ANXA2: variants seen among roughly 807,000 people sequenced by gnomAD.
ANXA2 encodes the protein annexin A2.
In ANXA2, 28 loss-of-function variants were observed where a neutral mutation model predicts 47.3. The ratio of observed to expected loss-of-function variants is 0.59; its 90% confidence interval spans 0.44 to 0.81. The LOEUF (loss-of-function observed/expected upper bound fraction) is 0.81. ANXA2 is among the 40% of genes least tolerant of loss of function. ANXA2 has a pLI of 0.00. For synonymous variants in ANXA2, 172 were observed against 155.5 expected (o/e 1.11, Z -0.79); for missense variants, 384 against 414.3 (o/e 0.93, Z 0.64).
chr15:60,396,625 G>A (rs1272651176), intron 1 of ANXA2, among the ~76,000 whole-genome samples: 1 of 152,148 alleles, frequency 6.6e-6, no homozygotes, highest in Non-Finnish European at 1.5e-5. Context: ...ATCAGGCAGT[G>A]CATGTTAAAA....
Position 60,356,087 on chromosome 15 carries a change from G to C in ANXA2, c.449-89C>G, listed in dbSNP as rs1463845845. On this transcript the variant is annotated intron_variant, in intron 6 of 12. Coordinates refer to ENST00000451270, the MANE Select transcript of ANXA2 (RefSeq NM_004039.3). ...TCCCCATTTCCCACTAAGACTCTGA[G>C]AAGCAGAACAGCTACGTCAGCTGGA... The C allele has an allele frequency of 4.1e-6, 4 of 967,512 alleles. No homozygotes were observed. The East Asian group carries it at 7.3e-5, about 18-fold the overall frequency. 59.9% of individuals were successfully genotyped at this position (967,512 alleles called of 1,614,324 possible).
intron 3 of ANXA2, among the ~76,000 whole-genome samples, chr15:60,366,792 G>A (rs1595681104): frequency 5.4e-5 from 6 of 111,712 alleles, no homozygotes; most frequent in South Asian, 3.1e-4. Flanking sequence ...CGCCCCGTCC[G>A]GGAGGGAGGC....
chr15:60,383,260 G>C (rs1218347129), intron 2 of ANXA2: 1 of 152,440 alleles, frequency 6.6e-6, no homozygotes, highest in Non-Finnish European at 1.5e-5. Context: ...CTGAGTATCT[G>C]GGATTACAGG....
intron 4 of ANXA2, among the ~76,000 whole-genome samples, chr15:60,361,652 T>C (rs1217913444): frequency 6.6e-6 from 1 of 152,154 alleles, no homozygotes; most frequent in Non-Finnish European, 1.5e-5. Flanking sequence ...ACTCGGACGG[T>C]GTTTAATGGA....
At chr15:60,360,800 C>A in intron 5 of ANXA2, 141 bp downstream of exon 5, 1 of 630,874 alleles carries the variant, frequency 1.6e-6, no homozygotes, top group Non-Finnish European at 2.9e-6. Flanking sequence ...AATCCTGAGA[C>A]ATATAACTTC....
chr15:60,368,874 T>C (rs1205061291), intron 3 of ANXA2, among the ~76,000 whole-genome samples: 1 of 152,240 alleles, frequency 6.6e-6, no homozygotes, highest in Non-Finnish European at 1.5e-5. Flanking sequence ...AAACACAGTA[T>C]GCATGGTAAT....
At chr15:60,355,866 T>C (rs751395063) in intron 7 of ANXA2, 53 bp downstream of exon 7, 1 of 1,401,508 alleles carries the variant, frequency 7.1e-7, no homozygotes, top group Non-Finnish European at 1.0e-6. Flanking sequence ...AAATGAGGTA[T>C]GTGACTTGCC....
At chr15:60,357,701 G>C (rs1245337964) in intron 5 of ANXA2, among the ~76,000 whole-genome samples, 1 of 152,038 alleles carries the variant, frequency 6.6e-6, no homozygotes, top group East Asian at 1.9e-4. Context: ...GGCTGAGGCA[G>C]GAGAATGGCG....
Position 60,352,267 on chromosome 15 carries a change from G to C in ANXA2, c.682+116C>G, listed in dbSNP as rs564166928. ...TGAGGGAAAATGGGTGAGCCTATGA[G>C]AGTGCCAAGCGGAGACAGAACCTCA... On this transcript the variant is annotated intron_variant, in intron 9 of 12. Transcript: ENST00000451270. This position sits in a 1 kb window ranked among gnomAD's most constrained non-coding sequence, Gnocchi z 4.2. 4.6e-6 allele frequency: 3 copies of C among 658,908 alleles called. No individual in the cohort carries two copies. The East Asian group carries it at 8.2e-5, about 18-fold the overall frequency. 40.8% of individuals were successfully genotyped at this position (658,908 alleles called of 1,614,324 possible).
chr15:60,354,995 G>A (rs1383375138), intron 7 of ANXA2, among the ~76,000 whole-genome samples: 3 of 152,098 alleles, frequency 2.0e-5, no homozygotes. Context: ...AAACTTCAAG[G>A]GTCAGTCAGA....
intron 1 of ANXA2, among the ~76,000 whole-genome samples, chr15:60,391,971 A>G (rs1438223445): frequency 1.3e-5 from 2 of 152,074 alleles, no homozygotes; most frequent in African/African-American, 4.8e-5. Context: ...CGTGCCTTCC[A>G]TTCCCAGGGA....
intron 4 of ANXA2, among the ~76,000 whole-genome samples, chr15:60,362,039 T>C (rs924995956): frequency 2.0e-5 from 3 of 151,948 alleles, no homozygotes; most frequent in South Asian, 2.1e-4. Flanking sequence ...GAGACAACCA[T>C]GCTGAATCAT....
chr15:60,367,689 T>TG (rs1327468050), intron 3 of ANXA2, among the ~76,000 whole-genome samples: 2 of 43,530 alleles, frequency 4.6e-5, no homozygotes, highest in Non-Finnish European at 8.9e-5. Flanking sequence ...GGGAGGGTGG[T>TG]GGGGGGTCAG....
intron 3 of ANXA2, among the ~76,000 whole-genome samples, chr15:60,378,741 G>A (rs528832169): frequency 3.9e-5 from 6 of 152,212 alleles, no homozygotes; most frequent in East Asian, 1.9e-4. Flanking sequence ...TGAGGTCAGC[G>A]GATCACTTGA....
chr15:60,380,304 G>T (rs990354125), intron 3 of ANXA2, among the ~76,000 whole-genome samples: 1 of 152,096 alleles, frequency 6.6e-6, no homozygotes, highest in Non-Finnish European at 1.5e-5. Flanking sequence ...TCTTAGCAAA[G>T]TTCCGTGTTT....
chr15:60,385,983 T>G, intron 2 of ANXA2, 45 bp downstream of exon 2: 3 of 1,325,448 alleles, frequency 2.3e-6, no homozygotes, highest in Non-Finnish European at 3.2e-6. Flanking sequence ...TCCAGAGAGA[T>G]GTCCAACTTG....
chr15:60,392,333 T>C (rs1726703813), intron 1 of ANXA2, among the ~76,000 whole-genome samples: 1 of 152,120 alleles, frequency 6.6e-6, no homozygotes, highest in African/African-American at 2.4e-5. Flanking sequence ...CAAAAATAAC[T>C]GCCATTACTT....
In ANXA2 at chr15:60,349,861, GGGAGGCAGGGGAAGGCAA is replaced by G. The variant is rs1566928291; in HGVS notation, c.838-682_838-665del. Among the ~76,000 whole-genome samples the G allele has an allele frequency of 7.6e-4, 94 of 123,434 alleles. 1 individual carries two copies. The highest frequency in any genetic ancestry group is 1.3e-3 in the African/African-American group (42 of 31,622). 81.0% of individuals were successfully genotyped at this position (123,434 alleles called of 152,430 possible). A position where few individuals can be genotyped will look rare whatever the true frequency, so the allele number is the denominator to read the frequency against. Reference sequence around the variant, plus strand: ...AAGGAAAGGGAGGGAGGTGAAGGCAGGGAGGCAGGGGAAGGCAAGGAGGCAGGAGAAGGCAGGGAGGCA... The same window carrying G: ...AAGGAAAGGGAGGGAGGTGAAGGCAGGGAGGCAGGAGAAGGCAGGGAGGCA... On this transcript the variant is annotated intron_variant, in intron 11 of 12. Coordinates refer to ENST00000451270, the MANE Select transcript of ANXA2 (RefSeq NM_004039.3).
At chr15:60,363,029 C>CAAAAAAAAAAAAAAAAAAAAAAAAAAAA (rs55992595) in intron 4 of ANXA2, 1 of 74,034 alleles carries the variant, frequency 1.4e-5, no homozygotes, top group Non-Finnish European at 2.4e-5. Context: ...GACCCTGTCA[C>CAAAAAAAAAAAAAAAAAAAAAAAAAAAA]AAAAAAAAAA....
Sources: allele counts gnomAD v4.1 joint callset (sites outside exome capture counted in the v4.1 genomes callset), GRCh38; gene constraint gnomAD v4.1.1; non-coding constraint Gnocchi (gnomAD v3.1); transcripts MANE v1.5; gene names NCBI Gene and HGNC (gene_info 2026-07-23, HGNC 2026-07-21).